Variants in PCSK2 observed in about 807,000 individuals in gnomAD.
PCSK2 encodes the protein proprotein convertase subtilisin/kexin type 2, also known as neuroendocrine convertase 2.
PCSK2 carries 14 observed loss-of-function variants against 69.7 expected under a neutral mutation model. The observed-to-expected ratio is 0.20, with a 90% CI of 0.13 to 0.31. PCSK2 has a LOEUF of 0.31. PCSK2 is among the 10% of genes least tolerant of loss of function. PCSK2 has a pLI of 1.00. For missense variants in PCSK2, 544 were observed against 842.5 expected (o/e 0.65, Z 4.39); for synonymous variants, 307 against 320.7 (o/e 0.96, Z 0.46).
chr20:17,383,331 A>G (rs1166223269), intron 5 of PCSK2, among the ~76,000 whole-genome samples: 1 of 152,210 alleles, frequency 6.6e-6, no homozygotes, highest in Non-Finnish European at 1.5e-5. Context: ...GGTCAGTGCC[A>G]CAAAGAAGAC....
intron 4 of PCSK2, among the ~76,000 whole-genome samples, chr20:17,368,531 C>T (rs1426511314): frequency 6.6e-6 from 1 of 152,180 alleles, no homozygotes; most frequent in Non-Finnish European, 1.5e-5. Flanking sequence ...GTTTTGCAAA[C>T]CCAAATGAGA....
chr20:17,425,923 A>G (rs2032239418), intron 6 of PCSK2, among the ~76,000 whole-genome samples: 1 of 152,194 alleles, frequency 6.6e-6, no homozygotes, highest in South Asian at 2.1e-4. Context: ...ACATGGCCAC[A>G]TACAAGTGCA....
At chr20:17,234,615 A>C (rs951321673) in intron 1 of PCSK2, among the ~76,000 whole-genome samples, 2 of 152,224 alleles carry the variant, frequency 1.3e-5, no homozygotes, top group African/African-American at 4.8e-5. Context: ...TAAAGTCTGC[A>C]GTTACAACCT....
At chr20:17,465,624 A>T (rs1334356099) in intron 11 of PCSK2, 71 bp downstream of exon 11, 1 of 907,116 alleles carries the variant, frequency 1.1e-6, no homozygotes, top group Non-Finnish European at 1.7e-6. Context: ...GCATTGGCAT[A>T]ATATCACATT....
intron 8 of PCSK2, among the ~76,000 whole-genome samples, chr20:17,443,308 G>A (rs1196947136): frequency 3.3e-5 from 5 of 152,164 alleles, no homozygotes; most frequent in Admixed American, 6.5e-5. Flanking sequence ...GACACAATGC[G>A]GTTTACAGAG....
At chr20:17,479,471 G>A in intron 11 of PCSK2, 1 of 500,324 alleles carries the variant, frequency 2.0e-6, no homozygotes, top group Non-Finnish European at 3.8e-6. Flanking sequence ...CTACGCCTGT[G>A]CCTGGTATTT....
intron 5 of PCSK2, among the ~76,000 whole-genome samples, chr20:17,370,404 C>T (rs1476855005): frequency 3.3e-5 from 5 of 152,146 alleles, no homozygotes; most frequent in African/African-American, 1.2e-4. Flanking sequence ...ACAAGGCATT[C>T]AAGGGATCTT....
intron 2 of PCSK2, among the ~76,000 whole-genome samples, chr20:17,295,549 T>C (rs913092433): frequency 1.0e-4 from 15 of 147,934 alleles, no homozygotes; most frequent in Middle Eastern, 3.6e-3. Flanking sequence ...TTATATTATA[T>C]ATATTTATTT....
intron 5 of PCSK2, among the ~76,000 whole-genome samples, chr20:17,394,687 C>G (rs1363878664): frequency 6.6e-6 from 1 of 152,164 alleles, no homozygotes; most frequent in Non-Finnish European, 1.5e-5. Flanking sequence ...AAACCAGTGT[C>G]CCATAATTCA....
intron 2 of PCSK2, among the ~76,000 whole-genome samples, chr20:17,355,121 T>C (rs1486509336): frequency 1.3e-5 from 2 of 152,190 alleles, no homozygotes; most frequent in Non-Finnish European, 2.9e-5. Flanking sequence ...AAACCTAATT[T>C]ATGGAATTAA....
At chr20:17,433,814 C>CTCTCCCCCTCTCTCT (rs1555795288) in intron 7 of PCSK2, among the ~76,000 whole-genome samples, 1 of 70,840 alleles carries the variant, frequency 1.4e-5, no homozygotes, top group Non-Finnish European at 2.5e-5. Context: ...TCTCTCTCTC[C>CTCTCCCCCTCTCTCT]CCCCACTTCC....
In PCSK2 at chr20:17,441,683, A is replaced by T. The variant is rs947289986; in HGVS notation, c.885+4800A>T. ...CCCCTTTTTAAAACCATGAGATCTC[A>T]TGAGATCTCATAAGACTTATTCACT... On this transcript the variant is annotated intron_variant, in intron 8 of 11. Coordinates refer to ENST00000262545, the MANE Select transcript of PCSK2 (RefSeq NM_002594.5). Among the ~76,000 whole-genome samples the T allele has an allele frequency of 1.4e-4, 22 of 152,184 alleles. No individual in the cohort carries two copies. In the East Asian group the frequency reaches 1.6e-3, roughly 11 times the overall value.
rs903054774 is a variant in PCSK2 at position 17,421,390 on chromosome 20, A to G, written c.621-8045A>G. ...GAGCTATTCATTTCTCATCTATTCT[A>G]TCAAGTAGGCTCTTGAAACCCCAAA... On this transcript the variant is annotated intron_variant, in intron 6 of 11. Coordinates refer to ENST00000262545, the MANE Select transcript of PCSK2 (RefSeq NM_002594.5). 2.2e-4 allele frequency among the ~76,000 whole-genome samples: 33 copies of G among 152,248 alleles called. No individual in the cohort carries two copies. The Middle Eastern group carries it at 0.01, about 47-fold the overall frequency.
At chr20:17,226,187 C>T (rs1212833936), upstream of PCSK2, 2 of 152,170 alleles carry the variant, frequency 1.3e-5, no homozygotes, top group African/African-American at 4.8e-5. Flanking sequence ...ACCCCGGCCG[C>T]GTCTCTCCTG....
chr20:17,382,426 T>C (rs931315068), intron 5 of PCSK2, among the ~76,000 whole-genome samples: 3 of 152,160 alleles, frequency 2.0e-5, no homozygotes, highest in East Asian at 3.9e-4. Context: ...AAATGTGAAG[T>C]TCACCATCTG....
chr20:17,319,160 T>C (rs530746322), intron 2 of PCSK2, among the ~76,000 whole-genome samples: 1 of 152,340 alleles, frequency 6.6e-6, no homozygotes, highest in South Asian at 2.1e-4. Context: ...TAATTCCCCA[T>C]TTTAAATAGT....
At chr20:17,235,469 C>T (rs1986304858) in intron 1 of PCSK2, among the ~76,000 whole-genome samples, 1 of 151,958 alleles carries the variant, frequency 6.6e-6, no homozygotes, top group Non-Finnish European at 1.5e-5. Flanking sequence ...GTATCAAAGG[C>T]AAAAGAGTCC....
intron 2 of PCSK2, among the ~76,000 whole-genome samples, chr20:17,349,598 C>T (rs552900963): frequency 2.6e-5 from 4 of 152,026 alleles, no homozygotes; most frequent in African/African-American, 4.8e-5. Flanking sequence ...TCCTGTGTCC[C>T]ATATGGATGC....
chr20:17,272,295 C>T (rs573556334), intron 2 of PCSK2, among the ~76,000 whole-genome samples: 1 of 152,232 alleles, frequency 6.6e-6, no homozygotes, highest in South Asian at 2.1e-4. Flanking sequence ...GTATCTCCCA[C>T]ATTTTAAAAG....
Sources: allele counts gnomAD v4.1 joint callset (sites outside exome capture counted in the v4.1 genomes callset), GRCh38; gene constraint gnomAD v4.1.1; transcripts MANE v1.5; gene names NCBI Gene and HGNC (gene_info 2026-07-23, HGNC 2026-07-21).